Variants in CSMD1 observed in about 807,000 individuals in gnomAD.
The protein encoded by CSMD1 is CUB and Sushi multiple domains 1.
Under a neutral mutation model 417.5 loss-of-function variants are expected in CSMD1, and 213 were observed. The ratio of observed to expected loss-of-function variants is 0.51; its 90% CI spans 0.46 to 0.57. The LOEUF (loss-of-function observed/expected upper bound fraction) is 0.57. Among genes scored for constraint, CSMD1 ranks in the 20% least tolerant of loss-of-function variants. The probability of loss-of-function intolerance (pLI) is 0.00; values close to 1 mark genes in which losing one functional copy is unlikely to be tolerated. For missense variants in CSMD1, 6,923 were observed against 4,529.7 expected (o/e 1.53, Z -15.17); for synonymous variants, 2,862 against 1,736.8 (o/e 1.65, Z -16.11).
At chr8:2,997,944 G>C (rs1253264298) in intron 54 of CSMD1, 67 bp downstream of exon 54, 4 of 1,448,636 alleles carry the variant, frequency 2.8e-6, no homozygotes, top group East Asian at 2.3e-5. Flanking sequence ...ACAGGCTCTT[G>C]ATGGTGTTAC....
At chr8:4,443,573 G>A (rs571894542) in intron 2 of CSMD1, among the ~76,000 whole-genome samples, 15 of 152,092 alleles carry the variant, frequency 9.9e-5, no homozygotes, top group Non-Finnish European at 7.4e-5. Context: ...CAAGACACAT[G>A]AATAATATGC....
At chr8:3,345,854 G>A (rs990532452) in intron 22 of CSMD1, among the ~76,000 whole-genome samples, 3 of 152,100 alleles carry the variant, frequency 2.0e-5, no homozygotes, top group Admixed American at 1.3e-4. Flanking sequence ...ACTATACCCT[G>A]CAGATTTATT....
intron 1 of CSMD1, among the ~76,000 whole-genome samples, chr8:4,748,236 C>A (rs944784656): frequency 6.6e-6 from 1 of 152,170 alleles, no homozygotes; most frequent in African/African-American, 2.4e-5. Context: ...AGAAGAAAAG[C>A]AATTCAAGCA....
At chr8:3,381,473 C>T (rs917111272) in intron 18 of CSMD1, among the ~76,000 whole-genome samples, 20 of 152,020 alleles carry the variant, frequency 1.3e-4, no homozygotes, top group African/African-American at 2.7e-4. Context: ...TTTAATAAAA[C>T]ATCAAACAGA....
chr8:3,771,983 A>G (rs993512432), intron 5 of CSMD1, among the ~76,000 whole-genome samples: 2 of 151,848 alleles, frequency 1.3e-5, no homozygotes, highest in African/African-American at 2.4e-5. Flanking sequence ...CATTTATCCA[A>G]TTCTGGGCTG....
chr8:4,192,866 T>A (rs1273257615), intron 3 of CSMD1, among the ~76,000 whole-genome samples: 1 of 152,198 alleles, frequency 6.6e-6, no homozygotes, highest in Non-Finnish European at 1.5e-5. Flanking sequence ...CTGTATTCTG[T>A]CCTTCTAGGA....
intron 3 of CSMD1, among the ~76,000 whole-genome samples, chr8:4,187,588 A>G (rs1798758757): frequency 6.8e-6 from 1 of 147,132 alleles, no homozygotes; most frequent in African/African-American, 2.5e-5. Context: ...ATGTAGGAGA[A>G]TCGCTTGAAC....
intron 10 of CSMD1, among the ~76,000 whole-genome samples, chr8:3,511,825 T>TAAATA (rs1159627354): frequency 1.5e-5 from 2 of 136,162 alleles, no homozygotes; most frequent in African/African-American, 5.6e-5. Flanking sequence ...AACATAACAA[T>TAAATA]AAATAAAATA....
rs751292187 is a variant in CSMD1 at position 4,564,912 on chromosome 8, T to G, written c.302+72430A>C. On this transcript the variant is annotated intron_variant, in intron 2 of 69. Transcript: ENST00000635120. ...GTAGCTTAATTCACCCATTTCTCTA[T>G]GATATAGTTAATAGCGGCTTTTCTA... is the stretch of plus-strand genomic sequence containing the variant. Among the ~76,000 whole-genome samples, 3 of 152,364 alleles carry G rather than the reference T, an allele frequency of 2.0e-5. No individual in the cohort carries two copies. In the East Asian group the frequency reaches 5.8e-4, roughly 29 times the overall value.
intron 5 of CSMD1, among the ~76,000 whole-genome samples, chr8:3,891,503 G>A (rs551769560): frequency 6.6e-6 from 1 of 151,990 alleles, no homozygotes; most frequent in African/African-American, 2.4e-5. Flanking sequence ...AACATAACAA[G>A]ACCCCATGCC....
intron 5 of CSMD1, among the ~76,000 whole-genome samples, chr8:3,904,295 ACCCCTTTCTTT>A (rs1563196087): frequency 2.6e-5 from 4 of 152,204 alleles, no homozygotes; most frequent in African/African-American, 9.6e-5. Context: ...CCTGGAGGAC[ACCCCTTTCTTT>A]CATCCCAACA....
chr8:3,070,442 G>C lies in CSMD1; in HGVS notation c.7474+16655C>G, dbSNP rs573909729. ...ATTTGAACATAGGCTGTATAAAGCA[G>C]CCAGGCCACATCTTGAATGTTTTGC... is the stretch of plus-strand genomic sequence containing the variant. On this transcript the variant is annotated intron_variant, in intron 49 of 69. Transcript: ENST00000635120. 7.9e-5 allele frequency among the ~76,000 whole-genome samples: 12 copies of C among 152,280 alleles called. No homozygotes were observed. The South Asian group carries it at 2.5e-3, about 32-fold the overall frequency.
At chr8:4,163,801 A>G (rs1336329802) in intron 3 of CSMD1, among the ~76,000 whole-genome samples, 5 of 152,210 alleles carry the variant, frequency 3.3e-5, no homozygotes, top group Non-Finnish European at 5.9e-5. Flanking sequence ...GTGTCATTAC[A>G]TTTTAATTTT....
At chr8:3,507,404 T>C (rs1189408246) in intron 10 of CSMD1, among the ~76,000 whole-genome samples, 2 of 152,226 alleles carry the variant, frequency 1.3e-5, no homozygotes, top group South Asian at 2.1e-4. Flanking sequence ...CAGTCTATCA[T>C]TGTTGGACAT....
intron 3 of CSMD1, among the ~76,000 whole-genome samples, chr8:4,338,242 G>A (rs574188873): frequency 3.3e-5 from 5 of 152,150 alleles, no homozygotes; most frequent in Admixed American, 3.3e-4. Flanking sequence ...TATTAAGTTA[G>A]AATAGTTGCA....
At chr8:4,146,853 G>T (rs1004842393) in intron 3 of CSMD1, among the ~76,000 whole-genome samples, 2 of 148,374 alleles carry the variant, frequency 1.3e-5, no homozygotes, top group African/African-American at 2.6e-5. Flanking sequence ...CTCGTGATCC[G>T]CCCGCCTCAG....
At chr8:4,714,558 C>T (rs183757697) in intron 1 of CSMD1, among the ~76,000 whole-genome samples, 5 of 152,218 alleles carry the variant, frequency 3.3e-5, no homozygotes, top group African/African-American at 9.6e-5. Context: ...AAAGAGAAGT[C>T]GGAACTTTCC....
chr8:4,235,280 A>C (rs1005547025), intron 3 of CSMD1, among the ~76,000 whole-genome samples: 2 of 152,158 alleles, frequency 1.3e-5, no homozygotes, highest in Non-Finnish European at 2.9e-5. Flanking sequence ...CATAAAACTC[A>C]CATACAAAAA....
At position 3,493,756 on chromosome 8, in the gene CSMD1, G is replaced by C. The variant is rs751583655; in HGVS notation, c.1345-30C>G. 7.1e-6 allele frequency: 11 copies of C among 1,556,332 alleles called. No homozygotes were observed. In the South Asian group the frequency reaches 1.0e-4, roughly 15 times the overall value. ...ATACAAGGTACGAAACAGTGACTTA[G>C]AACAACAGGTACTTCCCATGACTTT... is the stretch of plus-strand genomic sequence containing the variant. On this transcript the variant is annotated intron_variant, in intron 10 of 69. Transcript: ENST00000635120.
Sources: allele counts gnomAD v4.1 joint callset (sites outside exome capture counted in the v4.1 genomes callset), GRCh38; gene constraint gnomAD v4.1.1; transcripts MANE v1.5; gene names NCBI Gene and HGNC (gene_info 2026-07-23, HGNC 2026-07-21).